Variants in ZMIZ1 observed in about 807,000 individuals in gnomAD.
The protein encoded by ZMIZ1 is zinc finger MIZ-type containing 1, also known as zinc finger MIZ domain-containing protein 1.
A neutral mutation model predicts 113.9 loss-of-function variants in ZMIZ1; 17 were observed. That is an observed-to-expected ratio of 0.15 (90% CI 0.10 to 0.22). The LOEUF (loss-of-function observed/expected upper bound fraction) is 0.22. ZMIZ1 is among the 10% of genes least tolerant of loss of function. The probability of loss-of-function intolerance (pLI) is 1.00; values close to 1 mark genes in which losing one functional copy is unlikely to be tolerated. For missense variants in ZMIZ1, 1,059 were observed against 1,477.8 expected (o/e 0.72, Z 4.65); for synonymous variants, 607 against 603.1 (o/e 1.01, Z -0.09).
chr10:79,269,954 T>C (rs890436317), intron 7 of ZMIZ1, among the ~76,000 whole-genome samples: 2 of 152,216 alleles, frequency 1.3e-5, no homozygotes, highest in Non-Finnish European at 1.5e-5. Flanking sequence ...GAACAGTACA[T>C]GTAGATCCAC....
chr10:79,308,824 A>G (rs550632596), intron 23 of ZMIZ1, among the ~76,000 whole-genome samples: 1 of 152,040 alleles, frequency 6.6e-6, no homozygotes, highest in Non-Finnish European at 1.5e-5. Flanking sequence ...GCGCCCTCAC[A>G]GTTCCTAACA....
At chr10:79,229,896 C>G (rs1017020811) in intron 7 of ZMIZ1, among the ~76,000 whole-genome samples, 1 of 152,156 alleles carries the variant, frequency 6.6e-6, no homozygotes, top group Admixed American at 6.5e-5. Flanking sequence ...CATCTGCCAT[C>G]AGTTTACATA....
intron 8 of ZMIZ1, among the ~76,000 whole-genome samples, chr10:79,284,149 C>T (rs1270354456): frequency 1.3e-5 from 2 of 152,218 alleles, no homozygotes; most frequent in African/African-American, 2.4e-5. Flanking sequence ...TCATCACTGC[C>T]TTATCCCAGG....
chr10:79,305,239 A>T lies in ZMIZ1; in HGVS notation c.2354+8A>T, dbSNP rs1240750638. On this transcript the variant is annotated splice_region_variant and intron_variant, in intron 20 of 24. Coordinates refer to ENST00000334512, the MANE Select transcript of ZMIZ1 (RefSeq NM_020338.4). ...GAGGTGTCCTGTGTGCAAGTGAGTG[A>T]TGCCCACCCCGGTGGGGGCTTCCCC... 1 of 1,613,748 alleles carries T rather than the reference A, an allele frequency of 6.2e-7. No homozygotes were observed. Among genetic ancestry groups the T allele is most frequent in the Non-Finnish European group, 8.5e-7 (1 of 1,179,876 alleles).
At chr10:79,201,533 G>A (rs1213819357) in intron 4 of ZMIZ1, 51 bp from the exon 5 acceptor site, 7 of 1,408,450 alleles carry the variant, frequency 5.0e-6, no homozygotes, top group African/African-American at 1.4e-5. Context: ...GGCTGCTCAA[G>A]GTTGGCAGGC....
chr10:79,216,316 G>A, intron 7 of ZMIZ1, 42 bp downstream of exon 7: 1 of 1,538,810 alleles, frequency 6.5e-7, no homozygotes, highest in Non-Finnish European at 8.8e-7. Flanking sequence ...CTGGGAGGTG[G>A]GGAGGGGAAC....
At chr10:79,095,646 C>T (rs148097063) in intron 1 of ZMIZ1, among the ~76,000 whole-genome samples, 76 of 152,318 alleles carry the variant, frequency 5.0e-4, no homozygotes, top group African/African-American at 1.7e-3. Context: ...GGGCTTGGAA[C>T]GCACCTAACA....
At chr10:79,146,945 CGTGTGT>C (rs66763458) in intron 3 of ZMIZ1, among the ~76,000 whole-genome samples, 16 of 137,818 alleles carry the variant, frequency 1.2e-4, no homozygotes, top group Admixed American at 5.3e-4. Flanking sequence ...GTGTAGTGTA[CGTGTGT>C]GTGTGTGTGT....
At chr10:79,268,589 T>G (rs1191487122) in intron 7 of ZMIZ1, among the ~76,000 whole-genome samples, 1 of 152,230 alleles carries the variant, frequency 6.6e-6, no homozygotes, top group Non-Finnish European at 1.5e-5. Flanking sequence ...CTAAACGCCG[T>G]GCTGGGTGCC....
rs992433599 is a variant in ZMIZ1, at chr10:79,118,169, A to T, written c.-336-746A>T. Reference sequence around the variant, plus strand: ...AATGACAAGGAAAAGTATCAACCTCACCAAGTCCCTTTCTTCTCATCAATC... The same window carrying T: ...AATGACAAGGAAAAGTATCAACCTCTCCAAGTCCCTTTCTTCTCATCAATC... On this transcript the variant is annotated intron_variant, in intron 1 of 24. Transcript: ENST00000334512. This position sits in a 1 kb window ranked among gnomAD's most constrained non-coding sequence, Gnocchi z 4.1. Among the ~76,000 whole-genome samples, 1 of 152,114 alleles carries T rather than the reference A, an allele frequency of 6.6e-6. No individual in the cohort carries two copies. Among genetic ancestry groups the T allele is most frequent in the Non-Finnish European group, 1.5e-5 (1 of 68,002 alleles).
In ZMIZ1 at chr10:79,299,070, C is replaced by T; in HGVS notation, c.1687C>T (p.Arg563Trp). 6.2e-7 allele frequency: 1 copy of T among 1,611,092 alleles called. No homozygotes were observed. Among genetic ancestry groups the T allele is most frequent in the Non-Finnish European group, 8.5e-7 (1 of 1,179,008 alleles). ...PPPANHNDEL[R>W]LTFPVRDGVV... ...CCCAGCCAACCACAATGACGAGCTG[C>T]GGCTCACATTCCCTGTGCGGGATGG... The change falls in exon 16 of 25, where the codon CGG (arginine) becomes TGG (tryptophan). Residue 563 changes from arginine to tryptophan, a missense_variant. Coordinates refer to ENST00000334512, the MANE Select transcript of ZMIZ1 (RefSeq NM_020338.4).
intron 7 of ZMIZ1, among the ~76,000 whole-genome samples, chr10:79,243,206 G>C (rs1393240992): frequency 5.3e-5 from 8 of 151,014 alleles, no homozygotes; most frequent in Non-Finnish European, 1.0e-4. Flanking sequence ...CGCCCGCAGG[G>C]TCCGCGAGCG....
intron 4 of ZMIZ1, among the ~76,000 whole-genome samples, chr10:79,186,914 C>A (rs1847374518): frequency 1.3e-5 from 2 of 152,228 alleles, no homozygotes; most frequent in African/African-American, 4.8e-5. Flanking sequence ...ATCTGCCCAG[C>A]CACACTGCCC....
Position 79,313,714 on chromosome 10 carries a change from A to T in ZMIZ1, c.*965A>T. The T allele has an allele frequency of 3.5e-6, 1 of 283,008 alleles. No homozygotes were observed. The highest frequency in any genetic ancestry group is 3.4e-5 in the South Asian group (1 of 29,490). The allele number at this position is 283,008 out of a possible 1,614,324, so 17.5% of individuals were successfully genotyped here. On this transcript the variant is annotated 3_prime_UTR_variant, in exon 25 of 25. Transcript: ENST00000334512. ...CTATGAAGTCACCTGGAGAAAAGGA[A>T]CGTTGCTCTTGGACAGCAAGCAAAC...
At chr10:79,238,384 G>C (rs1455722983) in intron 7 of ZMIZ1, among the ~76,000 whole-genome samples, 1 of 152,184 alleles carries the variant, frequency 6.6e-6, no homozygotes, top group African/African-American at 2.4e-5. Context: ...GCCCAGGAAG[G>C]GGAGCGGGGT....
At chr10:79,079,738 C>G (rs1277077210) in intron 1 of ZMIZ1, among the ~76,000 whole-genome samples, 1 of 152,216 alleles carries the variant, frequency 6.6e-6, no homozygotes, top group Non-Finnish European at 1.5e-5. Context: ...CTCTGTGAGA[C>G]CTACTAGGGG....
chr10:79,247,262 GGGAGAAAAT>G (rs1377435842), intron 7 of ZMIZ1, among the ~76,000 whole-genome samples: 1 of 152,224 alleles, frequency 6.6e-6, no homozygotes, highest in Non-Finnish European at 1.5e-5. Flanking sequence ...GTCCTCTAGA[GGGAGAAAAT>G]GGTCAGGGGC....
intron 4 of ZMIZ1, among the ~76,000 whole-genome samples, chr10:79,168,526 G>A (rs909380337): frequency 9.9e-5 from 15 of 152,226 alleles, no homozygotes; most frequent in African/African-American, 3.6e-4. Flanking sequence ...TTGAAGGGCA[G>A]CTGAAAGCCA....
At chr10:79,294,717 C>T (rs1309721660) in intron 12 of ZMIZ1, 1 of 152,370 alleles carries the variant, frequency 6.6e-6, no homozygotes, top group Non-Finnish European at 1.5e-5. Context: ...GTGTGCCCAG[C>T]TCTCTGCCTG....
Sources: gnomAD v4.1 joint callset for allele counts (sites outside exome capture counted in the v4.1 genomes callset) on GRCh38, gnomAD v4.1.1 for gene constraint, Gnocchi (gnomAD v3.1) non-coding constraint, MANE v1.5 for transcripts, NCBI Gene and HGNC (gene_info 2026-07-23, HGNC 2026-07-21) for gene names.